The following GK variants were observed in gnomAD, a reference collection of about 807,000 sequenced individuals.
GK encodes glycerol kinase.
A neutral mutation model predicts 56.4 loss-of-function variants in GK; 9 were observed. The ratio of observed to expected loss-of-function variants is 0.16; its 90% CI spans 0.10 to 0.28. GK has a LOEUF of 0.28. Ranked by LOEUF, GK falls within the 10% of genes least tolerant of loss-of-function variation. GK has a pLI of 1.00. For synonymous variants in GK, 104 were observed against 144.1 expected, an observed-to-expected ratio of 0.72 and a Z score of 1.99; for missense variants, 161 against 431.4, an observed-to-expected ratio of 0.37 and a Z score of 5.55.
At chrX:30,695,140 T>A in intron 6 of GK, 1 of 756,110 alleles carries the variant, frequency 1.3e-6, no homozygotes, top group Non-Finnish European at 1.8e-6. Context: ...TCAGTAAGTA[T>A]GTAATGATCT....
At chrX:30,690,064 G>T in intron 4 of GK, among the ~76,000 whole-genome samples, 1 of 111,853 alleles carries the variant, frequency 8.9e-6, no homozygotes, top group Non-Finnish European at 1.9e-5. Flanking sequence ...TAATTAGAAA[G>T]AATTGATTAA....
intron 4 of GK, among the ~76,000 whole-genome samples, chrX:30,680,923 A>T (rs1423348686): frequency 8.9e-6 from 1 of 111,931 alleles, no homozygotes; most frequent in Non-Finnish European, 1.9e-5. Context: ...TGAAGCCCAG[A>T]TTCAAATGAT....
At chrX:30,718,401 T>A in intron 13 of GK, 137 bp from the exon 14 acceptor site, 1 of 495,737 alleles carries the variant, frequency 2.0e-6, no homozygotes. Flanking sequence ...TTAGAAGACC[T>A]AGTTTACATA....
intron 19 of GK, among the ~76,000 whole-genome samples, chrX:30,724,447 G>A (rs181093831): frequency 2.0e-5 from 2 of 102,523 alleles, no homozygotes; most frequent in Admixed American, 2.2e-4. Context: ...TCTTCCAAGA[G>A]TAAAATTATT....
chrX:30,684,619 T>TCG (rs1458627400), intron 4 of GK, among the ~76,000 whole-genome samples: 74 of 91,342 alleles, frequency 8.1e-4, no homozygotes, highest in African/African-American at 3.1e-3. Flanking sequence ...TGAGCTGAGA[T>TCG]CGCGCCATTG....
intron 9 of GK, among the ~76,000 whole-genome samples, chrX:30,698,866 C>CAAAAAAAA (rs386416832): frequency 3.9e-4 from 17 of 43,212 alleles, no homozygotes; most frequent in Non-Finnish European, 4.3e-4. Context: ...AACTCCATCT[C>CAAAAAAAA]AAAAAAAAAA....
rs1040409446 is a variant in GK, at chrX:30,690,596, T to A, written c.338-527T>A. Among the ~76,000 whole-genome samples, 3 of 111,817 alleles carry A rather than the reference T, an allele frequency of 2.7e-5. No homozygotes were observed. The South Asian group carries it at 1.1e-3, about 42-fold the overall frequency. ...TCCGGGTCTAGCATACTTGGAAAGA[T>A]TTCAATGTAAATAAGCATTTCATAC... On this transcript the variant is annotated intron_variant, in intron 4 of 20. Coordinates refer to ENST00000427190, the MANE Select transcript of GK (RefSeq NM_001205019.2).
intron 4 of GK, among the ~76,000 whole-genome samples, chrX:30,685,257 G>T (rs1309979692): frequency 9.1e-6 from 1 of 109,912 alleles, no homozygotes; most frequent in African/African-American, 3.3e-5. Flanking sequence ...TCAGCCTCCC[G>T]AATAGCTGGG....
intron 11 of GK, among the ~76,000 whole-genome samples, chrX:30,702,661 C>T (rs1305313567): frequency 1.8e-5 from 2 of 112,339 alleles, no homozygotes; most frequent in Non-Finnish European, 3.8e-5. Context: ...GGGTTCTTAA[C>T]CTGTGTACTG....
At chrX:30,711,533 C>G (rs1189261850) in intron 13 of GK, among the ~76,000 whole-genome samples, 2 of 111,493 alleles carry the variant, frequency 1.8e-5, no homozygotes, top group Admixed American at 1.9e-4. Context: ...TACCTCCATC[C>G]TCTTCTGGAA....
chrX:30,664,348 C>T (rs1347009514), intron 1 of GK, among the ~76,000 whole-genome samples: 2 of 105,744 alleles, frequency 1.9e-5, no homozygotes, highest in East Asian at 2.9e-4. Flanking sequence ...TACAGGCATG[C>T]GCCACCACAC....
intron 20 of GK, 84 bp downstream of exon 20, chrX:30,727,636 T>C: frequency 1.6e-6 from 1 of 611,908 alleles, no homozygotes; most frequent in Non-Finnish European, 2.7e-6. Context: ...TTCAGTGTTT[T>C]TCATTCTTTC....
chrX:30,716,200 C>T (rs1024001969), intron 13 of GK, among the ~76,000 whole-genome samples: 3 of 112,069 alleles, frequency 2.7e-5, no homozygotes, highest in African/African-American at 9.7e-5. Context: ...TCTAAAAATT[C>T]GCAGTTTAAC....
intron 3 of GK, among the ~76,000 whole-genome samples, chrX:30,673,463 A>T: frequency 8.9e-6 from 1 of 112,084 alleles, no homozygotes; most frequent in Non-Finnish European, 1.9e-5. Flanking sequence ...TTTAAAAAAC[A>T]TAGAGGATTT....
Position 30,696,617 on chromosome X carries a change from A to T in GK, c.663A>T (p.Glu221Asp). The change falls in exon 8 of 21, where the codon GAA becomes GAT. Residue 221 changes from glutamate to aspartate, a missense_variant and splice_region_variant. Physicochemically the swap from Glu to Asp is conservative, Grantham distance 45. Transcript: ENST00000427190. ...HSLEWDKQLC[E>D]FFGIPMEILP... is the part of the protein sequence containing the mutation. ...AATACCCAATCTTCTTGTTTTTCAG[A>T]TTTTTTGGAATTCCAATGGAAATTC... The T allele has an allele frequency of 8.4e-6, 10 of 1,186,565 alleles. No individual in the cohort carries two copies. Among genetic ancestry groups the T allele is most frequent in the Non-Finnish European group, 1.1e-5 (10 of 874,104 alleles).
chrX:30,724,258 C>T, intron 19 of GK, 77 bp downstream of exon 19: 1 of 602,859 alleles, frequency 1.7e-6, no homozygotes, highest in South Asian at 2.4e-5. Context: ...GGCATTTACA[C>T]ATAGCCAGGC....
chrX:30,707,517 A>G (rs1449161398), intron 11 of GK, 39 bp from the exon 12 acceptor site: 2 of 837,151 alleles, frequency 2.4e-6, no homozygotes, highest in African/African-American at 3.9e-5. Flanking sequence ...TTTGCTTTCA[A>G]TAAAATTGTC....
chrX:30,677,584 C>A, intron 4 of GK, 132 bp downstream of exon 4: 1 of 517,593 alleles, frequency 1.9e-6, no homozygotes, highest in South Asian at 2.5e-5. Flanking sequence ...CCCAGCACTT[C>A]GGGAGACTGA....
At chrX:30,677,329 A>G in intron 3 of GK, 46 bp from the exon 4 acceptor site, 1 of 692,902 alleles carries the variant, frequency 1.4e-6, no homozygotes, top group Non-Finnish European at 2.4e-6. Context: ...GTAGTTTCCT[A>G]CTTGTTAAAT....
Sources: gnomAD v4.1 joint callset for allele counts (sites outside exome capture counted in the v4.1 genomes callset) on GRCh38, gnomAD v4.1.1 for gene constraint, MANE v1.5 for transcripts, NCBI Gene and HGNC (gene_info 2026-07-23, HGNC 2026-07-21) for gene names.